The following ZBTB41 variants were observed in gnomAD, a reference collection of about 807,000 sequenced individuals.
ZBTB41 encodes zinc finger and BTB domain containing 41.
Under a neutral mutation model 87.6 loss-of-function variants are expected in ZBTB41, and 42 were observed. That is an observed-to-expected ratio of 0.48 (90% CI 0.37 to 0.62). The LOEUF is 0.62. Ranked by LOEUF, ZBTB41 falls within the 20% of genes least tolerant of loss-of-function variation. The probability of loss-of-function intolerance (pLI) is 0.00; values close to 1 mark genes in which losing one functional copy is unlikely to be tolerated. For synonymous variants in ZBTB41, 364 were observed against 364.0 expected (o/e 1.00, Z 0.00); for missense variants, 799 against 1,078.9 (o/e 0.74, Z 3.63).
chr1:197,189,419 G>A (rs1200023444), intron 4 of ZBTB41, among the ~76,000 whole-genome samples: 1 of 151,790 alleles, frequency 6.6e-6, no homozygotes, highest in Non-Finnish European at 1.5e-5. Flanking sequence ...CCAGCTACTC[G>A]GGAGGCTGAG....
In ZBTB41 at chr1:197,199,434, C is replaced by A. The variant is rs1188872081; in HGVS notation, c.1040G>T (p.Gly347Val). The change falls in exon 2 of 11, where the codon GGG becomes GTG. Residue 347 changes from glycine (G) to valine (V), a missense_variant. Coordinates refer to ENST00000367405, the MANE Select transcript of ZBTB41 (RefSeq NM_194314.3). Reference sequence around the variant, plus strand: ...GTTCTGAATGACCACTGGAGTTAACCCCTCATGAACATTTCCTACAGAATC... The same window carrying A: ...GTTCTGAATGACCACTGGAGTTAACACCTCATGAACATTTCCTACAGAATC... ...AGDSVGNVHEGLTPVVIQNSN... is the reference protein window; with the variant it reads ...AGDSVGNVHEVLTPVVIQNSN... 1.9e-6 allele frequency: 3 copies of A among 1,610,700 alleles called. No homozygotes were observed. Among genetic ancestry groups the A allele is most frequent in the Non-Finnish European group, 2.5e-6 (3 of 1,178,982 alleles).
rs763589926 is a variant in ZBTB41 at position 197,175,069 on chromosome 1, A to G, written c.1926T>C (p.Arg642=). ...QCEECGKCFG[R]RDHLTVHYKS... is the part of the protein sequence containing the mutation. ...TGTAATGAACAGTGAGATGATCCCT[A>G]CGACCAAAACATTTTCCACATTCTT... The change falls in exon 9 of 11, where the codon CGT becomes CGC. Residue 642 remains arginine, a synonymous_variant. Coordinates refer to ENST00000367405, the MANE Select transcript of ZBTB41 (RefSeq NM_194314.3). The G allele has an allele frequency of 1.3e-5, 21 of 1,611,410 alleles. No individual in the cohort carries two copies. The South Asian group carries it at 2.3e-4, about 18-fold the overall frequency.
At chr1:197,191,012 C>A (rs1298244918) in intron 3 of ZBTB41, among the ~76,000 whole-genome samples, 181 bp from the exon 4 acceptor site, 3 of 152,048 alleles carry the variant, frequency 2.0e-5, no homozygotes, top group Admixed American at 2.0e-4. Context: ...ATTCAGGAAC[C>A]TAGCTCTTTA....
At chr1:197,179,399 A>G (rs1186678515) in intron 6 of ZBTB41, among the ~76,000 whole-genome samples, 1 of 152,158 alleles carries the variant, frequency 6.6e-6, no homozygotes, top group East Asian at 1.9e-4. Context: ...TGCCAACTGT[A>G]TATAGGCATA....
chr1:197,178,332 A>C (rs1252602572), intron 7 of ZBTB41, 85 bp downstream of exon 7: 2 of 969,736 alleles, frequency 2.1e-6, no homozygotes, highest in African/African-American at 1.7e-5. Flanking sequence ...AAATGTTTCA[A>C]TTCAACAAAG....
At chr1:197,189,312 G>T (rs758397538) in intron 4 of ZBTB41, among the ~76,000 whole-genome samples, 2 of 152,000 alleles carry the variant, frequency 1.3e-5, no homozygotes, top group African/African-American at 4.8e-5. Flanking sequence ...GATCACCTGG[G>T]GTCAGAACTT....
chr1:197,167,124 G>A (rs992310995), intron 10 of ZBTB41, among the ~76,000 whole-genome samples: 1 of 152,058 alleles, frequency 6.6e-6, no homozygotes, highest in Non-Finnish European at 1.5e-5. Context: ...TAAGCAAATT[G>A]AATTCAATTA....
chr1:197,178,284 A>T (rs919842609), intron 7 of ZBTB41, 133 bp downstream of exon 7: 1 of 489,854 alleles, frequency 2.0e-6, no homozygotes, highest in African/African-American at 2.0e-5. Flanking sequence ...TCTATGCAGT[A>T]AAGTTTTTGC....
chr1:197,155,784 A>G lies in ZBTB41; in HGVS notation c.*3575T>C, dbSNP rs937482050. On this transcript the variant is annotated 3_prime_UTR_variant, in exon 11 of 11. Coordinates refer to ENST00000367405, the MANE Select transcript of ZBTB41 (RefSeq NM_194314.3). ...AAGTCACCTAATAAAGCACCAATTT[A>G]AAACCATATTTTTGCTACTCCTATT... is the stretch of plus-strand genomic sequence containing the variant. 3 of 152,364 alleles carry G rather than the reference A, an allele frequency of 2.0e-5. No individual in the cohort carries two copies. The highest frequency in any genetic ancestry group is 6.6e-5 in the Admixed American group (1 of 15,262). The allele number at this position is 152,364 out of a possible 1,614,324, so 9.4% of individuals were successfully genotyped here. A position where few individuals can be genotyped will look rare whatever the true frequency, so the allele number is the denominator to read the frequency against.
chr1:197,159,300 C>A lies in ZBTB41; in HGVS notation c.*59G>T. ...AATAGCAGCCCCACAAATTTAAAAG[C>A]TATCATCTCTACCATTAGCATATAA... On this transcript the variant is annotated 3_prime_UTR_variant, in exon 11 of 11. Coordinates refer to ENST00000367405, the MANE Select transcript of ZBTB41 (RefSeq NM_194314.3). The A allele has an allele frequency of 6.6e-7, 1 of 1,526,242 alleles. No homozygotes were observed. The highest frequency in any genetic ancestry group is 9.0e-7 in the Non-Finnish European group (1 of 1,115,844). The allele number at this position is 1,526,242 out of a possible 1,614,324, so 94.5% of individuals were successfully genotyped here.
chr1:197,175,914 AT>A (rs1266375006), intron 8 of ZBTB41: 1 of 151,924 alleles, frequency 6.6e-6, no homozygotes, highest in African/African-American at 2.4e-5. Flanking sequence ...TATGTTTAAA[AT>A]AATAATAATA....
chr1:197,197,825 T>C (rs777586709), intron 2 of ZBTB41, among the ~76,000 whole-genome samples: 2 of 152,224 alleles, frequency 1.3e-5, no homozygotes, highest in Admixed American at 1.3e-4. Context: ...AATTACGTAG[T>C]TCCCAATCTT....
rs1209563855 is a variant in ZBTB41 at position 197,155,580 on chromosome 1, T to C, written c.*3779A>G. Reference sequence around the variant, plus strand: ...GGAAGAAAACTCAAGCTTATAAACATATTAGTTTAACTGTGTTTTTAATTT... The same window carrying C: ...GGAAGAAAACTCAAGCTTATAAACACATTAGTTTAACTGTGTTTTTAATTT... On this transcript the variant is annotated 3_prime_UTR_variant, in exon 11 of 11. Coordinates refer to ENST00000367405, the MANE Select transcript of ZBTB41 (RefSeq NM_194314.3). 1 of 152,154 alleles carries C rather than the reference T, an allele frequency of 6.6e-6. No homozygotes were observed. Among genetic ancestry groups the C allele is most frequent in the Non-Finnish European group, 1.5e-5 (1 of 67,830 alleles). The allele number at this position is 152,154 out of a possible 1,614,324, so 9.4% of individuals were successfully genotyped here.
intron 2 of ZBTB41, among the ~76,000 whole-genome samples, chr1:197,193,620 A>G (rs1318327483): frequency 6.6e-6 from 1 of 152,148 alleles, no homozygotes; most frequent in Admixed American, 6.5e-5. Flanking sequence ...CACTGCTAAA[A>G]TTGCTTAGTA....
intron 9 of ZBTB41, among the ~76,000 whole-genome samples, chr1:197,173,045 C>G (rs1453315328): frequency 2.0e-5 from 3 of 151,978 alleles, no homozygotes; most frequent in African/African-American, 7.2e-5. Flanking sequence ...TTAAACAGTT[C>G]TCAACTGAAA....
chr1:197,178,505 A>G lies in ZBTB41; in HGVS notation c.1684T>C (p.Leu562=). ...CTGTGGATTCTCAAATGTTCTTTCA[A>G]AGTAGTTCTGCATTAAAATATATAG... The part of the protein sequence containing the change: ...CGKSVRERTT[L]KEHLRIHSGE... Residue 562 remains leucine (L), a synonymous_variant, in exon 7 of 11, where the codon TTG becomes CTG. Coordinates refer to ENST00000367405, the MANE Select transcript of ZBTB41 (RefSeq NM_194314.3). The G allele has an allele frequency of 6.2e-7, 1 of 1,603,488 alleles. No individual in the cohort carries two copies. Among genetic ancestry groups the G allele is most frequent in the Non-Finnish European group, 8.5e-7 (1 of 1,175,026 alleles).
At chr1:197,174,357 C>T (rs1207594425) in intron 9 of ZBTB41, among the ~76,000 whole-genome samples, 1 of 151,958 alleles carries the variant, frequency 6.6e-6, no homozygotes, top group African/African-American at 2.4e-5. Context: ...AGGTAGTCAC[C>T]ATAAAAAAGT....
At chr1:197,194,575 C>A (rs1660114725) in intron 2 of ZBTB41, among the ~76,000 whole-genome samples, 1 of 143,230 alleles carries the variant, frequency 7.0e-6, no homozygotes. Flanking sequence ...GACTAGTAAG[C>A]TTCCATTTCC....
At chr1:197,173,849 A>C (rs1427971393) in intron 9 of ZBTB41, among the ~76,000 whole-genome samples, 1 of 152,044 alleles carries the variant, frequency 6.6e-6, no homozygotes, top group Non-Finnish European at 1.5e-5. Flanking sequence ...CCCCCATAAA[A>C]CATGTGGCAA....
Sources: allele counts gnomAD v4.1 joint callset (sites outside exome capture counted in the v4.1 genomes callset), GRCh38; gene constraint gnomAD v4.1.1; transcripts MANE v1.5; gene names NCBI Gene and HGNC (gene_info 2026-07-23, HGNC 2026-07-21).